Variants in CWF19L2 observed in about 807,000 individuals in gnomAD.
CWF19L2 encodes CWF19-like protein 2.
In CWF19L2, 98 loss-of-function variants were observed where a neutral mutation model predicts 111.7. The observed-to-expected ratio is 0.88, with a 90% CI of 0.75 to 1.04. The LOEUF is 1.04. Among genes scored for constraint, CWF19L2 ranks in the 50% least tolerant of loss-of-function variants. The pLI is 0.00. For synonymous variants in CWF19L2, 351 were observed against 342.9 expected (o/e 1.02, Z -0.26); for missense variants, 1,101 against 1,051.4 (o/e 1.05, Z -0.65).
rs1277976102 is a variant in CWF19L2 at position 107,334,876 on chromosome 11, C to A, written c.2439+5G>T. On this transcript the variant is annotated splice_donor_5th_base_variant and intron_variant, in intron 16 of 17. Coordinates refer to ENST00000282251, the MANE Select transcript of CWF19L2 (RefSeq NM_152434.3). ...ATTTCTTTTACCAGGAAAAAACATA[C>A]TTACAGACTTTCTGATATCTTTTGA... 1.3e-6 allele frequency: 2 copies of A among 1,554,072 alleles called. No homozygotes were observed. Among genetic ancestry groups the A allele is most frequent in the Admixed American group, 1.7e-5 (1 of 59,720 alleles).
intron 10 of CWF19L2, among the ~76,000 whole-genome samples, chr11:107,409,483 CTT>C (rs1861127084): frequency 6.6e-6 from 1 of 152,068 alleles, no homozygotes; most frequent in Non-Finnish European, 1.5e-5. Context: ...TTATTTCATT[CTT>C]TGTTACAAAT....
rs1043755998 is a variant in CWF19L2, at chr11:107,439,177, G to T, written c.577C>A (p.Leu193Met). The change falls in exon 6 of 18, where the codon CTG (leucine) becomes ATG (methionine). Residue 193 changes from leucine (L) to methionine (M), a missense_variant. Coordinates refer to ENST00000282251, the MANE Select transcript of CWF19L2 (RefSeq NM_152434.3). ...EKNQALEQSK[L>M]MERELNPYWK... ...TACGGATTCAATTCTCTTTCCATCAGTTTGGACTAGAACAAATTATTTTCA... is the reference window on the plus strand; with the variant it reads ...TACGGATTCAATTCTCTTTCCATCATTTTGGACTAGAACAAATTATTTTCA... 8.2e-6 allele frequency: 13 copies of T among 1,590,046 alleles called. No individual in the cohort carries two copies. The highest frequency in any genetic ancestry group is 1.1e-5 in the Non-Finnish European group (13 of 1,166,702).
chr11:107,340,110 A>G (rs906711193), intron 14 of CWF19L2, among the ~76,000 whole-genome samples: 2 of 152,170 alleles, frequency 1.3e-5, no homozygotes, highest in Non-Finnish European at 2.9e-5. Context: ...TCATCTTCAT[A>G]TCAGAGTATT....
chr11:107,338,200 A>G (rs1859955822), intron 14 of CWF19L2, among the ~76,000 whole-genome samples: 1 of 152,094 alleles, frequency 6.6e-6, no homozygotes, highest in African/African-American at 2.4e-5. Context: ...CCACCTGAGT[A>G]GCTACTCAGG....
chr11:107,456,479 A>G (rs1372321625), intron 1 of CWF19L2, among the ~76,000 whole-genome samples: 1 of 152,224 alleles, frequency 6.6e-6, no homozygotes, highest in East Asian at 1.9e-4. Flanking sequence ...CACACATTAC[A>G]TATGTTGAAA....
chr11:107,391,813 C>T (rs1362994642), intron 11 of CWF19L2, among the ~76,000 whole-genome samples: 1 of 152,158 alleles, frequency 6.6e-6, no homozygotes, highest in Non-Finnish European at 1.5e-5. Context: ...TGACTCCAAT[C>T]ACCCCCTGGC....
In CWF19L2 at chr11:107,357,508, T is replaced by C. The variant is rs571934664; in HGVS notation, c.1873-3772A>G. On this transcript the variant is annotated intron_variant, in intron 12 of 17. Transcript: ENST00000282251. ...TATTCAATTCAAATCAAATGTTTTA[T>C]ACATGGAAGATGGTATTTCTACTCT... 2.6e-5 allele frequency among the ~76,000 whole-genome samples: 4 copies of C among 152,354 alleles called. No individual in the cohort carries two copies. In the East Asian group the frequency reaches 7.7e-4, roughly 29 times the overall value.
At chr11:107,355,575 T>C (rs550424812) in intron 12 of CWF19L2, among the ~76,000 whole-genome samples, 73 of 152,266 alleles carry the variant, frequency 4.8e-4, no homozygotes, top group African/African-American at 1.4e-3. Context: ...GCAGATTTCA[T>C]AGCATATAGT....
chr11:107,411,076 T>C (rs1019028751), intron 10 of CWF19L2, among the ~76,000 whole-genome samples: 7 of 99,070 alleles, frequency 7.1e-5, no homozygotes, highest in South Asian at 3.3e-4. Context: ...GGTGTGTGTG[T>C]GCGCGCGTGC....
chr11:107,361,589 A>G (rs1235614253), intron 12 of CWF19L2, among the ~76,000 whole-genome samples: 1 of 152,210 alleles, frequency 6.6e-6, no homozygotes, highest in Non-Finnish European at 1.5e-5. Flanking sequence ...TAATGATATT[A>G]AGTCTTCTGG....
intron 10 of CWF19L2, among the ~76,000 whole-genome samples, chr11:107,401,428 C>A (rs1349555755): frequency 6.6e-6 from 1 of 152,020 alleles, no homozygotes; most frequent in Admixed American, 6.6e-5. Context: ...CAACAGCGAA[C>A]AAGCAGAGAA....
chr11:107,405,621 A>G (rs1040083511), intron 10 of CWF19L2, among the ~76,000 whole-genome samples: 8 of 152,246 alleles, frequency 5.3e-5, no homozygotes, highest in African/African-American at 1.9e-4. Context: ...TACATGAAAC[A>G]ACCACTTTTA....
chr11:107,428,850 T>C lies in CWF19L2; in HGVS notation c.1382A>G (p.Asp461Gly), dbSNP rs766853177. The C allele has an allele frequency of 6.2e-7, 1 of 1,613,244 alleles. No homozygotes were observed. Residue 461 changes from aspartate (D) to glycine (G), a missense_variant, in exon 8 of 18, where the codon GAT (aspartate) becomes GGT (glycine). Coordinates refer to ENST00000282251, the MANE Select transcript of CWF19L2 (RefSeq NM_152434.3). ...TAGATGTTCTTTTTTTGGAGGGTCA[T>C]CTCTCAAGACTTCATCTTGTGATTT... ...REKSQDEVLRDDPPKKEHLRD... is the reference protein window; with the variant it reads ...REKSQDEVLRGDPPKKEHLRD...
At chr11:107,354,996 TATC>T in intron 12 of CWF19L2, among the ~76,000 whole-genome samples, 2 of 152,352 alleles carry the variant, frequency 1.3e-5, no homozygotes, top group Non-Finnish European at 2.9e-5. Context: ...GACTACACTG[TATC>T]ACACTCATTA....
At chr11:107,350,051 T>C (rs1860135172) in intron 13 of CWF19L2, among the ~76,000 whole-genome samples, 1 of 151,902 alleles carries the variant, frequency 6.6e-6, no homozygotes, top group East Asian at 1.9e-4. Flanking sequence ...AACATAAAAA[T>C]CCCCTAAAAT....
chr11:107,390,896 G>A (rs1337261334), intron 11 of CWF19L2, among the ~76,000 whole-genome samples: 5 of 152,134 alleles, frequency 3.3e-5, no homozygotes, highest in African/African-American at 1.2e-4. Flanking sequence ...AGTGTGGGTG[G>A]GAACCATCTA....
intron 6 of CWF19L2, 113 bp from the exon 7 acceptor site, chr11:107,433,862 A>G (rs1861500338): frequency 1.6e-5 from 3 of 183,806 alleles, no homozygotes; most frequent in Non-Finnish European, 3.1e-5. Flanking sequence ...CTTTAAATAT[A>G]TAAGTGCCTT....
chr11:107,356,709 A>C (rs999582459), intron 12 of CWF19L2, among the ~76,000 whole-genome samples: 1 of 152,200 alleles, frequency 6.6e-6, no homozygotes, highest in Admixed American at 6.5e-5. Flanking sequence ...ATATTTCTGC[A>C]ACACAGAAAT....
At chr11:107,332,380 G>A (rs1054083162) in intron 16 of CWF19L2, among the ~76,000 whole-genome samples, 1 of 151,914 alleles carries the variant, frequency 6.6e-6, no homozygotes, top group Non-Finnish European at 1.5e-5. Context: ...TTATTTCCAT[G>A]AACCTCACAT....
Sources: allele counts gnomAD v4.1 joint callset (sites outside exome capture counted in the v4.1 genomes callset), GRCh38; gene constraint gnomAD v4.1.1; transcripts MANE v1.5; gene names NCBI Gene and HGNC (gene_info 2026-07-23, HGNC 2026-07-21).